Variants in DMD observed in about 807,000 individuals in gnomAD.
The protein encoded by DMD is mutant dystrophin.
Under a neutral mutation model 330.1 loss-of-function variants are expected in DMD, and 63 were observed. That is an observed-to-expected ratio of 0.19 (90% CI 0.16 to 0.24). DMD has a LOEUF of 0.24. Among genes scored for constraint, DMD ranks in the 10% least tolerant of loss-of-function variants. The pLI, the probability that DMD is intolerant of heterozygous loss-of-function variation, is 1.00. For synonymous variants in DMD, 1,223 were observed against 959.8 expected, an observed-to-expected ratio of 1.27 and a Z score of -5.07; for missense variants, 3,344 against 2,684.1, an observed-to-expected ratio of 1.25 and a Z score of -5.43.
intron 1 of DMD, among the ~76,000 whole-genome samples, chrX:33,069,247 C>A (rs1481547125): frequency 9.0e-6 from 1 of 110,584 alleles, no homozygotes; most frequent in Non-Finnish European, 1.9e-5. Context: ...AGTTCATCTG[C>A]CAATATTTTG....
At chrX:32,085,722 A>C (rs2096434153) in intron 44 of DMD, among the ~76,000 whole-genome samples, 1 of 106,180 alleles carries the variant, frequency 9.4e-6, no homozygotes, top group South Asian at 4.0e-4. Context: ...ATATATACAC[A>C]TACACTGATA....
intron 44 of DMD, among the ~76,000 whole-genome samples, chrX:32,000,876 T>C (rs1468051429): frequency 3.6e-5 from 4 of 111,568 alleles, no homozygotes; most frequent in Admixed American, 2.9e-4. Context: ...TTCTATAAGA[T>C]AGGGGTGATA....
intron 41 of DMD, among the ~76,000 whole-genome samples, chrX:32,316,951 ATCATGT>A (rs1254754685): frequency 9.0e-6 from 1 of 111,432 alleles, no homozygotes; most frequent in Non-Finnish European, 1.9e-5. Flanking sequence ...AATTAGAAAT[ATCATGT>A]TCATTTTCTC....
chrX:32,161,316 A>G (rs1437005473), intron 44 of DMD, among the ~76,000 whole-genome samples: 1 of 111,635 alleles, frequency 9.0e-6, no homozygotes, highest in Non-Finnish European at 1.9e-5. Flanking sequence ...AAGACCCTTA[A>G]TGGTTTTCTT....
intron 55 of DMD, among the ~76,000 whole-genome samples, chrX:31,549,241 T>G (rs765460915): frequency 1.8e-5 from 2 of 110,871 alleles, no homozygotes; most frequent in Non-Finnish European, 3.8e-5. Flanking sequence ...TATGTTAAAT[T>G]ATTATCTGAC....
chrX:32,701,882 G>T (rs1246429880), intron 7 of DMD, among the ~76,000 whole-genome samples: 2 of 111,699 alleles, frequency 1.8e-5, no homozygotes, highest in African/African-American at 3.2e-5. Context: ...ACTAAATGCA[G>T]CTGTTCATAA....
intron 44 of DMD, among the ~76,000 whole-genome samples, chrX:32,071,153 G>A (rs994279837): frequency 9.0e-6 from 1 of 110,810 alleles, no homozygotes; most frequent in Non-Finnish European, 1.9e-5. Context: ...ACAGCAGCAT[G>A]ATTTATAATC....
chrX:32,624,805 C>A (rs2058239350), intron 11 of DMD, among the ~76,000 whole-genome samples: 1 of 112,144 alleles, frequency 8.9e-6, no homozygotes, highest in African/African-American at 3.2e-5. Flanking sequence ...CACCCCCGGA[C>A]ATGAAAACGT....
chrX:32,411,194 A>C (rs1023256516), intron 30 of DMD, among the ~76,000 whole-genome samples: 1 of 111,550 alleles, frequency 9.0e-6, no homozygotes, highest in Non-Finnish European at 1.9e-5. Context: ...ACAGTGGTGC[A>C]ATCTCGGCTC....
intron 60 of DMD, among the ~76,000 whole-genome samples, chrX:31,354,557 C>T (rs780514009): frequency 8.9e-4 from 99 of 111,789 alleles, no homozygotes; most frequent in African/African-American, 3.1e-3. Flanking sequence ...ATTTGTTTTA[C>T]TCTAGTTTTT....
chrX:32,761,435 A>T (rs2148383186), intron 7 of DMD, among the ~76,000 whole-genome samples: 1 of 112,241 alleles, frequency 8.9e-6, no homozygotes, highest in Admixed American at 9.4e-5. Context: ...CTTTTGGAGT[A>T]GACAGACTCA....
At chrX:32,520,752 G>A (rs781716965) in intron 17 of DMD, among the ~76,000 whole-genome samples, 84 of 110,509 alleles carry the variant, frequency 7.6e-4, no homozygotes, top group Non-Finnish European at 1.4e-3. Flanking sequence ...TAAACTGCTT[G>A]CACCTAAATC....
chrX:31,834,683 G>A (rs185762307), intron 49 of DMD, among the ~76,000 whole-genome samples: 1,216 of 111,324 alleles, frequency 0.011, 7 homozygotes, highest in Non-Finnish European at 0.017. Flanking sequence ...CAGGTGATCC[G>A]CCTGCCTCGG....
chrX:31,551,866 T>C (rs986176308), intron 55 of DMD, among the ~76,000 whole-genome samples: 1 of 112,077 alleles, frequency 8.9e-6, no homozygotes, highest in Admixed American at 9.5e-5. Context: ...TTACAATATA[T>C]ACATTCAGAA....
chrX:32,590,486 T>A (rs999971268), intron 13 of DMD, among the ~76,000 whole-genome samples: 2 of 111,534 alleles, frequency 1.8e-5, no homozygotes, highest in Non-Finnish European at 3.8e-5. Flanking sequence ...ACCAGTGGAC[T>A]GGGAGAGGAA....
intron 55 of DMD, among the ~76,000 whole-genome samples, chrX:31,530,647 C>CTTTTTTTTTTTTTTTTTTTT (rs1192286078): frequency 1.8e-4 from 9 of 49,806 alleles, no homozygotes; most frequent in East Asian, 7.2e-4. Flanking sequence ...ACTGGTTTCT[C>CTTTTTTTTTTTTTTTTTTTT]TTTTTTTTTT....
intron 44 of DMD, among the ~76,000 whole-genome samples, chrX:32,141,302 T>C (rs1404260988): frequency 9.2e-6 from 1 of 108,155 alleles, no homozygotes; most frequent in Non-Finnish European, 1.9e-5. Flanking sequence ...CTGGCGTGGT[T>C]GTGGGCGCCT....
intron 51 of DMD, among the ~76,000 whole-genome samples, chrX:31,770,008 C>A (rs1396904649): frequency 2.7e-5 from 3 of 111,866 alleles, no homozygotes; most frequent in Non-Finnish European, 5.6e-5. Flanking sequence ...TCTTTTAAGA[C>A]TTTAAAATTT....
chrX:32,696,410 T>C (rs967647125), intron 9 of DMD, among the ~76,000 whole-genome samples: 4 of 112,460 alleles, frequency 3.6e-5, no homozygotes, highest in African/African-American at 1.3e-4. Flanking sequence ...TTTTAAATGA[T>C]AAACATTACA....
Sources: allele counts gnomAD v4.1 joint callset (sites outside exome capture counted in the v4.1 genomes callset), GRCh38; gene constraint gnomAD v4.1.1; transcripts MANE v1.5; gene names NCBI Gene and HGNC (gene_info 2026-07-23, HGNC 2026-07-21).